ITGA6: variants seen among roughly 807,000 people sequenced by gnomAD.
The protein encoded by ITGA6 is integrin alpha-6.
In ITGA6, 63 loss-of-function variants were observed where a neutral mutation model predicts 133.6. The observed-to-expected ratio is 0.47, with a 90% CI of 0.38 to 0.58. The LOEUF (loss-of-function observed/expected upper bound fraction) is 0.58, where lower values mean the gene tolerates loss of function less well. Among genes scored for constraint, ITGA6 ranks in the 20% least tolerant of loss-of-function variants. ITGA6 has a pLI of 0.00. For missense variants in ITGA6, 1,068 were observed against 1,309.4 expected (o/e 0.82, Z 2.85); for synonymous variants, 434 against 482.0 (o/e 0.90, Z 1.30).
At chr2:172,447,692 T>C (rs764908214) in intron 1 of ITGA6, among the ~76,000 whole-genome samples, 1 of 152,220 alleles carries the variant, frequency 6.6e-6, no homozygotes, top group Non-Finnish European at 1.5e-5. Context: ...AAGCAAGTGT[T>C]GGTGGACCAA....
At chr2:172,486,877 T>A (rs562904926) in intron 13 of ITGA6, 146 bp from the exon 14 acceptor site, 13 of 681,326 alleles carry the variant, frequency 1.9e-5, no homozygotes, top group African/African-American at 3.6e-5. Context: ...AAATTTGATG[T>A]GTGGCAAAGT....
intron 1 of ITGA6, among the ~76,000 whole-genome samples, chr2:172,464,015 T>C (rs1685541950): frequency 6.6e-6 from 1 of 152,218 alleles, no homozygotes; most frequent in African/African-American, 2.4e-5. Flanking sequence ...AAAGTCTGTG[T>C]GTCAGTTCTG....
intron 2 of ITGA6, chr2:172,465,877 TG>T (rs1685648628): frequency 1.4e-6 from 1 of 695,300 alleles, no homozygotes; most frequent in South Asian, 1.8e-5. Flanking sequence ...CTCCTAACCG[TG>T]GTTTCTAAAC....
chr2:172,441,463 G>A (rs1433142165), intron 1 of ITGA6, among the ~76,000 whole-genome samples: 1 of 151,098 alleles, frequency 6.6e-6, no homozygotes, highest in African/African-American at 2.4e-5. Context: ...GGCTGAGGTG[G>A]GAGGAAGGCC....
intron 10 of ITGA6, 61 bp downstream of exon 10, chr2:172,479,800 C>A: frequency 7.0e-7 from 1 of 1,437,864 alleles, no homozygotes; most frequent in Non-Finnish European, 9.8e-7. Context: ...TTCATGATGA[C>A]TCTATTGTCC....
chr2:172,489,572 T>G lies in ITGA6; in HGVS notation c.2593T>G (p.Leu865Val). The G allele has an allele frequency of 6.2e-7, 1 of 1,614,060 alleles. No homozygotes were observed. The highest frequency in any genetic ancestry group is 8.5e-7 in the Non-Finnish European group (1 of 1,179,930). The change falls in exon 20 of 26, where the codon TTG (leucine) becomes GTG (valine). Residue 865 changes from leucine to valine, a missense_variant. By Grantham distance (32) the Leu-to-Val change is conservative (BLOSUM62 1). Around this residue, in one of 3 missense-constraint regions of ITGA6, gnomAD observed 609 missense variants for 707.2 expected, o/e 0.86. Coordinates refer to ENST00000684293, the MANE Select transcript of ITGA6 (RefSeq NM_000210.4). ...WPKEISNGKW[L>V]LYLVKVESKG... ...AAAAGAAATTAGCAATGGGAAATGG[T>G]TGCTTTATTTGGTGAAAGTAGAATC...
chr2:172,453,136 C>T (rs6717877), intron 1 of ITGA6, among the ~76,000 whole-genome samples: 22,793 of 152,166 alleles, frequency 0.15, 1,915 homozygotes, highest in Non-Finnish European at 0.18. Flanking sequence ...GGCATTTCTA[C>T]ATCACTTTTA....
chr2:172,470,510 A>T (rs1685879075), intron 4 of ITGA6, among the ~76,000 whole-genome samples: 1 of 152,316 alleles, frequency 6.6e-6, no homozygotes, highest in South Asian at 2.1e-4. Context: ...CTTATGTTTT[A>T]AATTACTAAT....
chr2:172,441,699 A>G (rs1684551704), intron 1 of ITGA6, among the ~76,000 whole-genome samples: 1 of 151,224 alleles, frequency 6.6e-6, no homozygotes, highest in Non-Finnish European at 1.5e-5. Context: ...AATTGAAACT[A>G]TTTTCCACTT....
At position 172,465,553 on chromosome 2, in the gene ITGA6, C is replaced by T; in HGVS notation, c.197C>T (p.Ala66Val). 1 of 1,614,186 alleles carries T rather than the reference C, an allele frequency of 6.2e-7. No homozygotes were observed. The change falls in exon 2 of 26, where the codon GCC (alanine) becomes GTC (valine). Residue 66 changes from alanine (A) to valine (V), a missense_variant. By Grantham distance (64) the Ala-to-Val change is moderately conservative (BLOSUM62 0). Transcript: ENST00000684293. Reference protein sequence around the residue: ...PEDKRLLLVGAPRAEALPLQR... With the variant: ...PEDKRLLLVGVPRAEALPLQR... ...TTCATCAACAGGTTGCTCGTGGGGG[C>T]CCCGCGGGCAGAAGCGCTTCCACTG...
rs774701163 is a variant in ITGA6, at chr2:172,441,516, A to G, written c.182+13546A>G. On this transcript the variant is annotated intron_variant, in intron 1 of 25. Coordinates refer to ENST00000684293, the MANE Select transcript of ITGA6 (RefSeq NM_000210.4). ...GGTGAGAGTGAGCTATGATTGTGTC[A>G]CTGCACTCCAGCCTGGGTAACAGAG... Among the ~76,000 whole-genome samples, 8 of 133,880 alleles carry G rather than the reference A, an allele frequency of 6.0e-5. No homozygotes were observed. In the Admixed American group the frequency reaches 6.9e-4, roughly 11 times the overall value. The allele number at this position is 133,880 out of a possible 152,430, so 87.8% of individuals were successfully genotyped here.
At position 172,491,185 on chromosome 2, in the gene ITGA6, A is replaced by G. The variant is rs1230227905; in HGVS notation, c.2779-36A>G. 4.8e-6 allele frequency: 7 copies of G among 1,456,086 alleles called. No individual in the cohort carries two copies. The highest frequency in any genetic ancestry group is 1.7e-5 in the Admixed American group (1 of 59,814). 90.2% of individuals were successfully genotyped at this position (1,456,086 alleles called of 1,614,324 possible). A position where few individuals can be genotyped will look rare whatever the true frequency, so the allele number is the denominator to read the frequency against. On this transcript the variant is annotated intron_variant, in intron 21 of 25. Transcript: ENST00000684293. This position sits in a 1 kb window ranked among gnomAD's most constrained non-coding sequence, Gnocchi z 4.4. Reference sequence around the variant, plus strand: ...TGAGGGGAAGGATTTCTTCAGAACAATGTCTTTTGATGACCATTCTTCTTT... The same window carrying G: ...TGAGGGGAAGGATTTCTTCAGAACAGTGTCTTTTGATGACCATTCTTCTTT...
rs1305539581 is a variant in ITGA6, at chr2:172,504,300, C to T, written c.*232C>T. 2 of 1,395,694 alleles carry T rather than the reference C, an allele frequency of 1.4e-6. No homozygotes were observed. Among genetic ancestry groups the T allele is most frequent in the East Asian group, 2.5e-5 (1 of 40,154 alleles). 86.5% of individuals were successfully genotyped at this position (1,395,694 alleles called of 1,614,324 possible). A position where few individuals can be genotyped will look rare whatever the true frequency, so the allele number is the denominator to read the frequency against. ...TTCACAGTACCCAAACTGCTTTTTC[C>T]AACTCAGAAATTCAATTTGGATTTA... On this transcript the variant is annotated 3_prime_UTR_variant, in exon 26 of 26. Coordinates refer to ENST00000684293, the MANE Select transcript of ITGA6 (RefSeq NM_000210.4).
At chr2:172,498,541 TAGA>T (rs1355495271) in intron 24 of ITGA6, among the ~76,000 whole-genome samples, 5 of 152,220 alleles carry the variant, frequency 3.3e-5, no homozygotes, top group African/African-American at 1.2e-4. Context: ...AGATTTGGAA[TAGA>T]AGAGTATGAC....
chr2:172,501,942 G>C, intron 25 of ITGA6, 41 bp downstream of exon 25: 1 of 1,577,194 alleles, frequency 6.3e-7, no homozygotes, highest in Non-Finnish European at 8.6e-7. Flanking sequence ...TGTGGGACCC[G>C]CTATGGTTGT....
intron 1 of ITGA6, among the ~76,000 whole-genome samples, chr2:172,432,532 C>T (rs939191407): frequency 6.6e-5 from 10 of 152,256 alleles, no homozygotes; most frequent in African/African-American, 2.4e-4. Context: ...AGGGAGAAAT[C>T]CCTTTCTTTA....
chr2:172,486,942 G>A lies in ITGA6; in HGVS notation c.1855-81G>A, dbSNP rs959804423. ...ATTGTCACACAGGGAAATGAACTGTGTGGAATAGCCAGTCACCTACATCGA... is the reference window on the plus strand; with the variant it reads ...ATTGTCACACAGGGAAATGAACTGTATGGAATAGCCAGTCACCTACATCGA... On this transcript the variant is annotated intron_variant, in intron 13 of 25. Transcript: ENST00000684293. 13 of 773,592 alleles carry A rather than the reference G, an allele frequency of 1.7e-5. No individual in the cohort carries two copies. The African/African-American group carries it at 2.1e-4, about 12-fold the overall frequency. The allele number at this position is 773,592 out of a possible 1,614,324, so 47.9% of individuals were successfully genotyped here.
At chr2:172,429,611 G>C (rs2148988612) in intron 1 of ITGA6, among the ~76,000 whole-genome samples, 1 of 152,338 alleles carries the variant, frequency 6.6e-6, no homozygotes, top group Non-Finnish European at 1.5e-5. Context: ...TGTCGTGAAG[G>C]TTAGCAGCAT....
In ITGA6 at chr2:172,453,105, C is replaced by A. The variant is rs77845041; in HGVS notation, c.183-12434C>A. ...AATGAAAGAGTGGAGAGTGAAAGGT[C>A]GTGTTCTCAACCTGGCAGCTGGCAT... On this transcript the variant is annotated intron_variant, in intron 1 of 25. Coordinates refer to ENST00000684293, the MANE Select transcript of ITGA6 (RefSeq NM_000210.4). 3.3e-5 allele frequency among the ~76,000 whole-genome samples: 5 copies of A among 152,088 alleles called. No individual in the cohort carries two copies. The South Asian group carries it at 6.2e-4, about 19-fold the overall frequency.
Sources: allele counts gnomAD v4.1 joint callset (sites outside exome capture counted in the v4.1 genomes callset), GRCh38; gene constraint gnomAD v4.1.1; regional missense constraint gnomAD v4.1.1; non-coding constraint Gnocchi (gnomAD v3.1); transcripts MANE v1.5; gene names NCBI Gene and HGNC (gene_info 2026-07-23, HGNC 2026-07-21).